Variants in MEF2A observed in about 807,000 individuals in gnomAD.
MEF2A encodes myocyte-specific enhancer factor 2A.
In MEF2A, 28 loss-of-function variants were observed where a neutral mutation model predicts 55.8. The observed-to-expected ratio is 0.50, with a 90% CI of 0.37 to 0.69. The LOEUF is 0.69. Among genes scored for constraint, MEF2A ranks in the 30% least tolerant of loss-of-function variants. MEF2A has a pLI of 0.00. For synonymous variants in MEF2A, 239 were observed against 227.1 expected (o/e 1.05, Z -0.47); for missense variants, 528 against 626.2 (o/e 0.84, Z 1.67).
chr15:99,642,925 A>T (rs985566143), intron 3 of MEF2A, among the ~76,000 whole-genome samples: 1 of 152,176 alleles, frequency 6.6e-6, no homozygotes, highest in Non-Finnish European at 1.5e-5. Flanking sequence ...CTTTTTTAGT[A>T]TTATGTATGT....
chr15:99,647,673 T>C (rs1192295566), intron 4 of MEF2A, among the ~76,000 whole-genome samples: 1 of 152,216 alleles, frequency 6.6e-6, no homozygotes, highest in East Asian at 1.9e-4. Context: ...TGTTTCAATA[T>C]GAAGGAAAAC....
At position 99,713,888 on chromosome 15, in the gene MEF2A, G is replaced by A. The variant is rs1434980902; in HGVS notation, c.*1117G>A. 6.6e-6 allele frequency: 1 copy of A among 152,182 alleles called. No individual in the cohort carries two copies. The highest frequency in any genetic ancestry group is 1.5e-5 in the Non-Finnish European group (1 of 68,028). 9.4% of individuals were successfully genotyped at this position (152,182 alleles called of 1,614,324 possible). ...AAATATATTATCACCTTTGATGTAA[G>A]TACCTATGTATTGTATGGTCACCAG... On this transcript the variant is annotated 3_prime_UTR_variant, in exon 12 of 12. Transcript: ENST00000557942.
intron 2 of MEF2A, among the ~76,000 whole-genome samples, chr15:99,607,698 A>G (rs866119964): frequency 2.6e-5 from 4 of 152,142 alleles, no homozygotes; most frequent in Admixed American, 6.5e-5. Flanking sequence ...TTAGAATCTC[A>G]TTTTCATTTC....
intron 3 of MEF2A, among the ~76,000 whole-genome samples, chr15:99,637,884 C>T (rs1000827284): frequency 2.6e-5 from 4 of 152,150 alleles, no homozygotes; most frequent in Non-Finnish European, 5.9e-5. Context: ...ACCTCGTGAT[C>T]TGCCCGCCTC....
chr15:99,659,228 T>C (rs2048239405), intron 4 of MEF2A, among the ~76,000 whole-genome samples: 1 of 152,004 alleles, frequency 6.6e-6, no homozygotes, highest in Non-Finnish European at 1.5e-5. Flanking sequence ...CTGCTCAATA[T>C]CCAGCTCCTG....
chr15:99,568,999 A>T (rs1199941609), intron 1 of MEF2A, among the ~76,000 whole-genome samples: 1 of 152,196 alleles, frequency 6.6e-6, no homozygotes, highest in Non-Finnish European at 1.5e-5. Flanking sequence ...TTCTCTCCTA[A>T]TGTTTAAATA....
chr15:99,641,156 C>T (rs1567298173), intron 3 of MEF2A, among the ~76,000 whole-genome samples: 1 of 152,116 alleles, frequency 6.6e-6, no homozygotes, highest in Non-Finnish European at 1.5e-5. Flanking sequence ...AAGAGGACAT[C>T]GGAAGAAGAT....
chr15:99,668,735 G>A (rs906470216), intron 4 of MEF2A, among the ~76,000 whole-genome samples: 5 of 152,180 alleles, frequency 3.3e-5, no homozygotes, highest in African/African-American at 1.2e-4. Context: ...GGCCAGGATC[G>A]TATGTACCTG....
chr15:99,662,942 C>T (rs1357067424), intron 4 of MEF2A, among the ~76,000 whole-genome samples: 1 of 152,194 alleles, frequency 6.6e-6, no homozygotes, highest in East Asian at 1.9e-4. Context: ...TGATTTAAAT[C>T]AGTTAACTCC....
At chr15:99,574,182 T>C (rs1963502810) in intron 1 of MEF2A, among the ~76,000 whole-genome samples, 1 of 152,218 alleles carries the variant, frequency 6.6e-6, no homozygotes, top group Non-Finnish European at 1.5e-5. Context: ...TCGTTCTTGC[T>C]CTCTTTTTAT....
chr15:99,566,387 T>C (rs1217986284), intron 1 of MEF2A: 3 of 86,890 alleles, frequency 3.5e-5, no homozygotes, highest in African/African-American at 9.3e-5. Context: ...GGGTCGGCGC[T>C]GAGGAGCTAG....
chr15:99,670,129 G>C (rs1420139899), intron 4 of MEF2A, among the ~76,000 whole-genome samples: 3 of 152,076 alleles, frequency 2.0e-5, no homozygotes, highest in Non-Finnish European at 4.4e-5. Context: ...CATTCTGAAA[G>C]TAAAGGAATA....
At position 99,674,514 on chromosome 15, in the gene MEF2A, C is replaced by T. The variant is rs1360645449; in HGVS notation, c.512C>T (p.Thr171Met). 5.0e-6 allele frequency: 8 copies of T among 1,613,848 alleles called. No homozygotes were observed. Among genetic ancestry groups the T allele is most frequent in the South Asian group, 3.3e-5 (3 of 91,088 alleles). ...TCCCCATCTTTGGCAGCCAGCTCAA[C>T]GTTAACAGATTCAAGCATGCTCTCT... ...LVSPSLAASS[T>M]LTDSSMLSPP... The change falls in exon 6 of 12, where the codon ACG (threonine) becomes ATG (methionine). Residue 171 changes from threonine (T) to methionine (M), a missense_variant. Around this residue, in one of 2 missense-constraint regions of MEF2A, gnomAD observed 450 missense variants for 475.3 expected, o/e 0.95. Coordinates refer to ENST00000557942, the MANE Select transcript of MEF2A (RefSeq NM_001319206.4).
At chr15:99,595,739 G>C (rs1463274039) in intron 1 of MEF2A, among the ~76,000 whole-genome samples, 5 of 152,182 alleles carry the variant, frequency 3.3e-5, no homozygotes, top group Non-Finnish European at 4.4e-5. Flanking sequence ...GTGTACTGAA[G>C]ATGGCGTCAC....
At chr15:99,692,832 A>C (rs940041033) in intron 8 of MEF2A, among the ~76,000 whole-genome samples, 2 of 152,186 alleles carry the variant, frequency 1.3e-5, no homozygotes, top group African/African-American at 4.8e-5. Context: ...ACGAACAACA[A>C]ACATTATCAC....
At chr15:99,677,578 A>G (rs995297469) in intron 7 of MEF2A, among the ~76,000 whole-genome samples, 1 of 152,168 alleles carries the variant, frequency 6.6e-6, no homozygotes, top group African/African-American at 2.4e-5. Context: ...CAGAGCATGC[A>G]ATAAAAAGGA....
chr15:99,590,012 T>C (rs1441201631), intron 1 of MEF2A, among the ~76,000 whole-genome samples: 1 of 152,118 alleles, frequency 6.6e-6, no homozygotes, highest in African/African-American at 2.4e-5. Context: ...CAAGGTGGTT[T>C]ATAGTGTTGT....
At position 99,673,343 on chromosome 15, in the gene MEF2A, G is replaced by A. The variant is rs74939798; in HGVS notation, c.391-1050G>A. 7.9e-3 allele frequency among the ~76,000 whole-genome samples: 1,205 copies of A among 152,236 alleles called. 22 individuals are homozygous for A. The highest frequency in any genetic ancestry group is 0.027 in the African/African-American group (1,129 of 41,540). On this transcript the variant is annotated intron_variant, in intron 5 of 11. Coordinates refer to ENST00000557942, the MANE Select transcript of MEF2A (RefSeq NM_001319206.4). ...TTGCAGTTAATGTTAAAGCTGCAAA[G>A]ATATCGCACAAATAAAAGTGTTTTA...
intron 3 of MEF2A, among the ~76,000 whole-genome samples, chr15:99,637,122 T>C (rs2044022381): frequency 6.6e-6 from 1 of 152,100 alleles, no homozygotes; most frequent in Non-Finnish European, 1.5e-5. Context: ...TGCACCTTTT[T>C]TTTTTTTTTC....
Sources: gnomAD v4.1 joint callset for allele counts (sites outside exome capture counted in the v4.1 genomes callset) on GRCh38, gnomAD v4.1.1 for gene constraint, gnomAD v4.1.1 regional missense constraint, MANE v1.5 for transcripts, NCBI Gene and HGNC (gene_info 2026-07-23, HGNC 2026-07-21) for gene names.